The following DCC variants were observed in gnomAD, a reference collection of about 807,000 sequenced individuals.
DCC encodes the protein netrin receptor DCC.
Under a neutral mutation model 172.5 loss-of-function variants are expected in DCC, and 58 were observed. That is an observed-to-expected ratio of 0.34 (90% CI 0.27 to 0.42). DCC has a LOEUF of 0.42. Among genes scored for constraint, DCC ranks in the 10% least tolerant of loss-of-function variants. The pLI is 1.00. For synonymous variants in DCC, 709 were observed against 644.5 expected (o/e 1.10, Z -1.52); for missense variants, 1,740 against 1,791.0 (o/e 0.97, Z 0.51).
chr18:52,910,797 G>C (rs973705184), intron 3 of DCC, among the ~76,000 whole-genome samples: 2 of 152,126 alleles, frequency 1.3e-5, no homozygotes, highest in Non-Finnish European at 2.9e-5. Flanking sequence ...ACTACAGTTA[G>C]ATGACTCTGA....
intron 7 of DCC, among the ~76,000 whole-genome samples, chr18:53,069,422 A>T (rs1418514578): frequency 6.6e-6 from 1 of 152,124 alleles, no homozygotes; most frequent in Non-Finnish European, 1.5e-5. Flanking sequence ...AGGTTTCTTG[A>T]AAGGACTTTT....
chr18:52,842,819 C>T (rs559094154), intron 2 of DCC, among the ~76,000 whole-genome samples: 1 of 152,254 alleles, frequency 6.6e-6, no homozygotes, highest in South Asian at 2.1e-4. Context: ...TAACAGGGAC[C>T]TGCAACCTAG....
At chr18:53,012,952 C>T (rs1254574502) in intron 5 of DCC, among the ~76,000 whole-genome samples, 1 of 152,032 alleles carries the variant, frequency 6.6e-6, no homozygotes, top group Non-Finnish European at 1.5e-5. Context: ...ACATCTGCAG[C>T]CAACAAATAT....
chr18:53,206,213 ATG>A (rs1370537884), intron 10 of DCC, among the ~76,000 whole-genome samples: 3 of 28,106 alleles, frequency 1.1e-4, no homozygotes, highest in Non-Finnish European at 2.2e-4. Context: ...ATACATATAC[ATG>A]TGTATATATA....
rs10535247 is a variant in DCC at position 52,342,280 on chromosome 18, CGTGTGT to C, written c.91+1418_91+1423del. On this transcript the variant is annotated intron_variant, in intron 1 of 28. Transcript: ENST00000442544. ...CAGGCAGGAGGGGTGTGTGTGTGTG[CGTGTGT>C]GTGTGTGTGTGTGTGCACGCGCGCT... Among the ~76,000 whole-genome samples the C allele has an allele frequency of 2.4e-4, 36 of 150,250 alleles. 1 individual carries two copies. The highest frequency in any genetic ancestry group is 5.9e-4 in the Admixed American group (9 of 15,142).
At chr18:53,082,034 A>T (rs920229761) in intron 7 of DCC, among the ~76,000 whole-genome samples, 1 of 152,076 alleles carries the variant, frequency 6.6e-6, no homozygotes, top group African/African-American at 2.4e-5. Context: ...AAGAGTGCTT[A>T]ATCTAAAATC....
chr18:52,971,133 G>GAA (rs200119827), intron 5 of DCC, among the ~76,000 whole-genome samples: 2 of 151,750 alleles, frequency 1.3e-5, no homozygotes, highest in African/African-American at 2.4e-5. Context: ...CCCAGGGGCA[G>GAA]AAAAAAAACA....
intron 8 of DCC, among the ~76,000 whole-genome samples, chr18:53,171,897 G>T (rs772158022): frequency 1.3e-5 from 2 of 151,946 alleles, no homozygotes; most frequent in Non-Finnish European, 2.9e-5. Context: ...TGGTGAGGCT[G>T]CAGAGAAAAG....
At chr18:52,351,648 A>G (rs1207795665) in intron 1 of DCC, among the ~76,000 whole-genome samples, 1 of 152,226 alleles carries the variant, frequency 6.6e-6, no homozygotes. Flanking sequence ...CACCTTTTCT[A>G]TAAAAATAGA....
At chr18:52,434,686 A>C (rs1987733542) in intron 1 of DCC, among the ~76,000 whole-genome samples, 1 of 151,166 alleles carries the variant, frequency 6.6e-6, no homozygotes, top group South Asian at 2.1e-4. Flanking sequence ...AGTTTAGGGT[A>C]CTTGGAACCA....
intron 5 of DCC, among the ~76,000 whole-genome samples, chr18:53,001,618 T>A (rs1255602726): frequency 6.6e-6 from 1 of 152,120 alleles, no homozygotes; most frequent in Admixed American, 6.6e-5. Context: ...CCTGTTTGAT[T>A]ACCTTAAACT....
intron 1 of DCC, among the ~76,000 whole-genome samples, chr18:52,608,637 A>T (rs1426799692): frequency 2.0e-5 from 3 of 152,174 alleles, no homozygotes; most frequent in Non-Finnish European, 4.4e-5. Flanking sequence ...GTAGTCAAGA[A>T]CCTGCTGTTA....
intron 1 of DCC, among the ~76,000 whole-genome samples, chr18:52,517,696 C>T (rs2031685538): frequency 6.6e-6 from 1 of 152,080 alleles, no homozygotes; most frequent in Admixed American, 6.5e-5. Flanking sequence ...ATAAACGGTC[C>T]CCAGATCAAG....
chr18:53,258,375 T>C (rs1382428629), intron 12 of DCC, among the ~76,000 whole-genome samples: 4 of 152,234 alleles, frequency 2.6e-5, no homozygotes, highest in Non-Finnish European at 5.9e-5. Context: ...CTCTACACAC[T>C]GCTTTTAATG....
At chr18:52,882,861 C>T (rs2039507451) in intron 2 of DCC, among the ~76,000 whole-genome samples, 1 of 151,942 alleles carries the variant, frequency 6.6e-6, no homozygotes, top group Non-Finnish European at 1.5e-5. Flanking sequence ...GGGGTGTTGT[C>T]CAGCTGTTAT....
intron 18 of DCC, among the ~76,000 whole-genome samples, chr18:53,400,558 C>G (rs17506372): frequency 6.6e-6 from 1 of 151,788 alleles, no homozygotes; most frequent in South Asian, 2.1e-4. Flanking sequence ...GAATTCTGCT[C>G]GACTTAGTAG....
intron 1 of DCC, among the ~76,000 whole-genome samples, chr18:52,394,869 G>C (rs1986159964): frequency 6.6e-6 from 1 of 152,052 alleles, no homozygotes; most frequent in Non-Finnish European, 1.5e-5. Context: ...TTGCAAGGAA[G>C]GTTTATCTGA....
chr18:53,271,232 C>G (rs2056744617), intron 12 of DCC, among the ~76,000 whole-genome samples: 1 of 152,084 alleles, frequency 6.6e-6, no homozygotes, highest in African/African-American at 2.4e-5. Context: ...GGTCTCTGAC[C>G]ATAGATACAG....
At chr18:52,441,733 G>A (rs1244563944) in intron 1 of DCC, among the ~76,000 whole-genome samples, 3 of 152,114 alleles carry the variant, frequency 2.0e-5, no homozygotes, top group African/African-American at 4.8e-5. Context: ...GCACCTAAGG[G>A]ACTCTGCCAA....
Sources: allele counts gnomAD v4.1 joint callset (sites outside exome capture counted in the v4.1 genomes callset), GRCh38; gene constraint gnomAD v4.1.1; transcripts MANE v1.5; gene names NCBI Gene and HGNC (gene_info 2026-07-23, HGNC 2026-07-21).